Variants in PTPRT observed in about 807,000 individuals in gnomAD.
The protein encoded by PTPRT is receptor-type tyrosine-protein phosphatase T.
A neutral mutation model predicts 176.8 loss-of-function variants in PTPRT; 56 were observed. The observed-to-expected ratio is 0.32, with a 90% CI of 0.26 to 0.40. PTPRT has a LOEUF of 0.40. Ranked by LOEUF, PTPRT falls within the 10% of genes least tolerant of loss-of-function variation. PTPRT has a pLI of 1.00. For synonymous variants in PTPRT, 783 were observed against 739.0 expected, an observed-to-expected ratio of 1.06 and a Z score of -0.96; for missense variants, 1,540 against 1,908.2, an observed-to-expected ratio of 0.81 and a Z score of 3.60.
At chr20:42,953,398 C>T (rs1353428368) in intron 1 of PTPRT, among the ~76,000 whole-genome samples, 1 of 152,206 alleles carries the variant, frequency 6.6e-6, no homozygotes, top group Non-Finnish European at 1.5e-5. Flanking sequence ...GATTCGAAAG[C>T]AGATCTAACT....
At chr20:42,094,450 C>T (rs1398422474) in intron 27 of PTPRT, among the ~76,000 whole-genome samples, 6 of 152,132 alleles carry the variant, frequency 3.9e-5, no homozygotes, top group African/African-American at 1.4e-4. Flanking sequence ...TTGACAGGGT[C>T]TTACTCTGTC....
chr20:42,597,393 T>C (rs1030133641), intron 7 of PTPRT, among the ~76,000 whole-genome samples: 1 of 152,196 alleles, frequency 6.6e-6, no homozygotes, highest in Admixed American at 6.5e-5. Context: ...TATGGCGATA[T>C]GGTTTGGATC....
intron 13 of PTPRT, among the ~76,000 whole-genome samples, chr20:42,253,573 T>G (rs1293174054): frequency 6.6e-6 from 1 of 152,154 alleles, no homozygotes; most frequent in Non-Finnish European, 1.5e-5. Flanking sequence ...TGCATCTTCC[T>G]CATCTTTACC....
intron 1 of PTPRT, among the ~76,000 whole-genome samples, chr20:42,911,364 T>C (rs1026536109): frequency 6.6e-6 from 1 of 152,152 alleles, no homozygotes; most frequent in Non-Finnish European, 1.5e-5. Flanking sequence ...ATTATTATTA[T>C]TAGGAATACA....
intron 9 of PTPRT, among the ~76,000 whole-genome samples, chr20:42,443,794 G>T (rs2059339534): frequency 6.6e-6 from 1 of 152,200 alleles, no homozygotes; most frequent in Non-Finnish European, 1.5e-5. Flanking sequence ...TCAAAGCTGG[G>T]CTAGCAGCAG....
chr20:43,097,023 T>C (rs1379063833), intron 1 of PTPRT, among the ~76,000 whole-genome samples: 1 of 152,218 alleles, frequency 6.6e-6, no homozygotes, highest in Non-Finnish European at 1.5e-5. Flanking sequence ...ACCATAAATC[T>C]ACTTGCAGAG....
At chr20:42,449,549 C>T (rs2070789639) in intron 8 of PTPRT, among the ~76,000 whole-genome samples, 1 of 152,168 alleles carries the variant, frequency 6.6e-6, no homozygotes, top group Non-Finnish European at 1.5e-5. Flanking sequence ...TTCACTTAAG[C>T]CATAAAACAC....
At chr20:42,671,419 A>G (rs373115247) in intron 7 of PTPRT, among the ~76,000 whole-genome samples, 3 of 152,126 alleles carry the variant, frequency 2.0e-5, no homozygotes, top group African/African-American at 7.2e-5. Flanking sequence ...CTAAGACCCA[A>G]CTCCTATCAC....
At chr20:42,338,416 T>C (rs1337772692) in intron 11 of PTPRT, among the ~76,000 whole-genome samples, 1 of 152,196 alleles carries the variant, frequency 6.6e-6, no homozygotes, top group Admixed American at 6.5e-5. Flanking sequence ...TTGTAGACCA[T>C]GTGATGCCTT....
In PTPRT at chr20:42,204,020, T is replaced by C. The variant is rs952116351; in HGVS notation, c.2343-4632A>G. Among the ~76,000 whole-genome samples, 27 of 152,358 alleles carry C rather than the reference T, an allele frequency of 1.8e-4. 1 individual carries two copies. Among genetic ancestry groups the C allele is most frequent in the African/African-American group, 6.5e-4 (27 of 41,580 alleles). Reference sequence around the variant, plus strand: ...GCTCAATAAACTTGTTGCACGAATTTATACTTAAAAGTCTGCAATTTGGAG... The same window carrying C: ...GCTCAATAAACTTGTTGCACGAATTCATACTTAAAAGTCTGCAATTTGGAG... On this transcript the variant is annotated intron_variant, in intron 15 of 30. Coordinates refer to ENST00000373187, the MANE Select transcript of PTPRT (RefSeq NM_007050.6).
rs1193801132 is a variant in PTPRT, at chr20:42,081,962, T to C, written c.4192A>G (p.Ile1398Val). The C allele has an allele frequency of 1.2e-6, 2 of 1,614,124 alleles. No homozygotes were observed. Among genetic ancestry groups the C allele is most frequent in the African/African-American group, 2.7e-5 (2 of 74,932 alleles). ...FCAICSVCEM[I>V]QQQNIIDVFH... Reference sequence around the variant, plus strand: ...ACGTCAATGATGTTTTGCTGCTGGATCATCTCACACACACTGCAGATGGCA... The same window carrying C: ...ACGTCAATGATGTTTTGCTGCTGGACCATCTCACACACACTGCAGATGGCA... Residue 1398 changes from isoleucine (I) to valine (V), a missense_variant, in exon 30 of 31, where the codon ATC (isoleucine) becomes GTC (valine). Ile to Val is a conservative substitution (Grantham distance 29, BLOSUM62 3). Around this residue, in one of 11 missense-constraint regions of PTPRT, gnomAD observed 342 missense variants for 394.0 expected, o/e 0.87. Transcript: ENST00000373187.
chr20:42,439,104 C>G (rs1485393765), intron 9 of PTPRT, among the ~76,000 whole-genome samples: 1 of 152,182 alleles, frequency 6.6e-6, no homozygotes, highest in Non-Finnish European at 1.5e-5. Context: ...TGGCATCTAA[C>G]CAGGGATGCC....
At chr20:42,324,475 A>G (rs1025207155) in intron 11 of PTPRT, among the ~76,000 whole-genome samples, 2 of 152,220 alleles carry the variant, frequency 1.3e-5, no homozygotes, top group Non-Finnish European at 2.9e-5. Context: ...ACATTTACTA[A>G]AGAATTGTAC....
chr20:42,234,667 A>G (rs1392407857), intron 15 of PTPRT, among the ~76,000 whole-genome samples: 2 of 152,258 alleles, frequency 1.3e-5, no homozygotes, highest in African/African-American at 2.4e-5. Context: ...ATAGGCTTGC[A>G]TACTGTGAGG....
chr20:43,136,174 C>T (rs1294795394), intron 1 of PTPRT, among the ~76,000 whole-genome samples: 13 of 152,162 alleles, frequency 8.5e-5, no homozygotes, highest in Non-Finnish European at 2.9e-5. Context: ...TAATTAATGG[C>T]GAGCCAGAAT....
At chr20:42,875,277 G>T (rs950819332) in intron 2 of PTPRT, among the ~76,000 whole-genome samples, 1 of 152,138 alleles carries the variant, frequency 6.6e-6, no homozygotes, top group Non-Finnish European at 1.5e-5. Context: ...TAGGAAACTT[G>T]TTCATAACCA....
At chr20:42,841,468 T>A (rs1366557826) in intron 2 of PTPRT, among the ~76,000 whole-genome samples, 1 of 152,126 alleles carries the variant, frequency 6.6e-6, no homozygotes, top group Non-Finnish European at 1.5e-5. Flanking sequence ...CCTAGTGAGA[T>A]CTGGGGCAAC....
At chr20:42,546,177 G>A (rs940213954) in intron 7 of PTPRT, among the ~76,000 whole-genome samples, 1 of 152,108 alleles carries the variant, frequency 6.6e-6, no homozygotes, top group Non-Finnish European at 1.5e-5. Flanking sequence ...AGCAATGAAC[G>A]ATTCACAAAT....
At chr20:43,022,078 T>C (rs1434260144) in intron 1 of PTPRT, among the ~76,000 whole-genome samples, 1 of 152,222 alleles carries the variant, frequency 6.6e-6, no homozygotes, top group East Asian at 1.9e-4. Flanking sequence ...CTCCATCGTG[T>C]GGTCACTCAT....
Sources: allele counts gnomAD v4.1 joint callset (sites outside exome capture counted in the v4.1 genomes callset), GRCh38; gene constraint gnomAD v4.1.1; regional missense constraint gnomAD v4.1.1; transcripts MANE v1.5; gene names NCBI Gene and HGNC (gene_info 2026-07-23, HGNC 2026-07-21).